GMDS: variants seen among roughly 807,000 people sequenced by gnomAD.
GMDS encodes GDP-mannose 4,6 dehydratase.
A neutral mutation model predicts 49.9 loss-of-function variants in GMDS; 20 were observed. That is an observed-to-expected ratio of 0.40 (90% CI 0.28 to 0.58). The LOEUF (loss-of-function observed/expected upper bound fraction) is 0.58, where lower values mean the gene tolerates loss of function less well. GMDS is among the 20% of genes least tolerant of loss of function. The probability of loss-of-function intolerance (pLI) is 0.42; values close to 1 mark genes in which losing one functional copy is unlikely to be tolerated. For missense variants in GMDS, 362 were observed against 481.4 expected (o/e 0.75, Z 2.32); for synonymous variants, 177 against 178.6 (o/e 0.99, Z 0.07).
rs190492460 is a variant in GMDS at position 2,188,132 on chromosome 6, C to T, written c.102+57189G>A. Among the ~76,000 whole-genome samples, 19 of 152,250 alleles carry T rather than the reference C, an allele frequency of 1.2e-4. No homozygotes were observed. The East Asian group carries it at 2.3e-3, about 19-fold the overall frequency. On this transcript the variant is annotated intron_variant, in intron 1 of 10. Coordinates refer to ENST00000380815, the MANE Select transcript of GMDS (RefSeq NM_001500.4). ...GCATCACTGGGGGCAACATGCCCAC[C>T]GAGGAGGGGGACTCAAAGCATCAAG...
chr6:1,832,530 G>A (rs1294465027), intron 7 of GMDS, among the ~76,000 whole-genome samples: 1 of 152,072 alleles, frequency 6.6e-6, no homozygotes, highest in Non-Finnish European at 1.5e-5. Flanking sequence ...GCCAGTCACA[G>A]CATGATCACC....
intron 9 of GMDS, among the ~76,000 whole-genome samples, chr6:1,677,465 T>C (rs1053357348): frequency 3.9e-5 from 6 of 152,188 alleles, no homozygotes; most frequent in African/African-American, 1.4e-4. Context: ...CACAGGATTA[T>C]AAATCATGCT....
intron 7 of GMDS, among the ~76,000 whole-genome samples, chr6:1,843,676 G>A (rs1484732538): frequency 6.6e-6 from 1 of 152,188 alleles, no homozygotes; most frequent in Non-Finnish European, 1.5e-5. Flanking sequence ...GCTGAGGCAC[G>A]AGAATCACTT....
Position 2,237,103 on chromosome 6 carries a change from G to A in GMDS, c.102+8218C>T, listed in dbSNP as rs115547659. ...AAGTAAATACCCTTCAGCCAAGAAC[G>A]TCACTGCATATAAAATCATCTAACC... is the stretch of plus-strand genomic sequence containing the variant. On this transcript the variant is annotated intron_variant, in intron 1 of 10. Coordinates refer to ENST00000380815, the MANE Select transcript of GMDS (RefSeq NM_001500.4). 6.1e-3 allele frequency among the ~76,000 whole-genome samples: 934 copies of A among 152,232 alleles called. 3 individuals are homozygous for A. The highest frequency in any genetic ancestry group is 0.017 in the Middle Eastern group (5 of 294).
intron 4 of GMDS, among the ~76,000 whole-genome samples, chr6:1,992,178 G>C (rs144919627): frequency 6.6e-6 from 1 of 152,278 alleles, no homozygotes; most frequent in East Asian, 1.9e-4. Context: ...TATTCCCCAA[G>C]GGGTATTTCT....
At chr6:1,854,458 T>C (rs1038004316) in intron 7 of GMDS, among the ~76,000 whole-genome samples, 1 of 152,216 alleles carries the variant, frequency 6.6e-6, no homozygotes, top group African/African-American at 2.4e-5. Flanking sequence ...CTCCTATCTA[T>C]CCTTTTAGAA....
chr6:1,837,355 T>A (rs1016368665), intron 7 of GMDS, among the ~76,000 whole-genome samples: 1 of 152,202 alleles, frequency 6.6e-6, no homozygotes, highest in African/African-American at 2.4e-5. Context: ...TAAGTTAACA[T>A]AAAATTACAG....
intron 4 of GMDS, among the ~76,000 whole-genome samples, chr6:2,059,666 C>G (rs1771012853): frequency 8.9e-6 from 1 of 112,378 alleles, no homozygotes; most frequent in Admixed American, 1.2e-4. Flanking sequence ...CGAGATCGCA[C>G]CACTGCACTC....
At chr6:2,138,209 A>G (rs1008758229) in intron 1 of GMDS, among the ~76,000 whole-genome samples, 1 of 152,234 alleles carries the variant, frequency 6.6e-6, no homozygotes, top group African/African-American at 2.4e-5. Context: ...ATGGATCATC[A>G]TACTGTATAA....
Position 1,822,222 on chromosome 6 carries a change from A to T in GMDS, c.772-79636T>A, listed in dbSNP as rs1314499113. ...TGACCCAACTCACATTTTCCCATTT[A>T]AAAAATATCAACATTATAAAATTAC... On this transcript the variant is annotated intron_variant, in intron 7 of 10. Coordinates refer to ENST00000380815, the MANE Select transcript of GMDS (RefSeq NM_001500.4). 2.6e-5 allele frequency among the ~76,000 whole-genome samples: 4 copies of T among 152,216 alleles called. No individual in the cohort carries two copies. The East Asian group carries it at 7.7e-4, about 29-fold the overall frequency.
At chr6:1,653,941 A>G (rs544389211) in intron 9 of GMDS, among the ~76,000 whole-genome samples, 1 of 152,348 alleles carries the variant, frequency 6.6e-6, no homozygotes, top group Non-Finnish European at 1.5e-5. Context: ...GTAAAAGCAG[A>G]CAAAGTGGAC....
At chr6:1,962,553 G>A (rs1404352023) in intron 4 of GMDS, among the ~76,000 whole-genome samples, 2 of 152,118 alleles carry the variant, frequency 1.3e-5, no homozygotes, top group African/African-American at 4.8e-5. Flanking sequence ...ATCCTACATA[G>A]ACTTGCTGTG....
chr6:2,065,902 G>T (rs1032629903), intron 4 of GMDS, among the ~76,000 whole-genome samples: 3 of 152,114 alleles, frequency 2.0e-5, no homozygotes, highest in African/African-American at 7.2e-5. Context: ...CAACATTCAG[G>T]TTCAGGAAAT....
intron 1 of GMDS, among the ~76,000 whole-genome samples, chr6:2,218,847 G>A (rs1242611282): frequency 6.6e-6 from 1 of 152,158 alleles, no homozygotes; most frequent in Non-Finnish European, 1.5e-5. Context: ...AGAGGCTAAA[G>A]TTTATTCAGG....
At chr6:1,819,793 A>G (rs1770818571) in intron 7 of GMDS, among the ~76,000 whole-genome samples, 1 of 148,044 alleles carries the variant, frequency 6.8e-6, no homozygotes, top group Admixed American at 6.7e-5. Context: ...ATATATATAT[A>G]TATATCTACC....
chr6:1,938,916 T>C (rs1248873129), intron 6 of GMDS, among the ~76,000 whole-genome samples: 6 of 151,486 alleles, frequency 4.0e-5, no homozygotes, highest in Admixed American at 1.3e-4. Context: ...AAGTCGGCCA[T>C]TTAACCCTTC....
At chr6:1,931,041 A>C (rs1450966107) in intron 6 of GMDS, 1 of 152,228 alleles carries the variant, frequency 6.6e-6, no homozygotes, top group African/African-American at 2.4e-5. Context: ...TTTTTCAAAG[A>C]TCACAAAGTT....
At chr6:2,059,045 G>A (rs1581586413) in intron 4 of GMDS, among the ~76,000 whole-genome samples, 2 of 151,448 alleles carry the variant, frequency 1.3e-5, no homozygotes, top group South Asian at 2.1e-4. Context: ...GTGTGGTGGC[G>A]GGTGCCTGTA....
chr6:1,846,507 A>G (rs1757419775), intron 7 of GMDS, among the ~76,000 whole-genome samples: 1 of 152,226 alleles, frequency 6.6e-6, no homozygotes, highest in African/African-American at 2.4e-5. Context: ...AAAACAATGA[A>G]TAAGTTTCTC....
Sources: gnomAD v4.1 joint callset for allele counts (sites outside exome capture counted in the v4.1 genomes callset) on GRCh38, gnomAD v4.1.1 for gene constraint, MANE v1.5 for transcripts, NCBI Gene and HGNC (gene_info 2026-07-23, HGNC 2026-07-21) for gene names.